The following TMEM132D variants were observed in gnomAD, a reference collection of about 807,000 sequenced individuals.
The protein encoded by TMEM132D is transmembrane protein 132D, also known as mature OL transmembrane protein.
A neutral mutation model predicts 62.3 loss-of-function variants in TMEM132D; 21 were observed. That is an observed-to-expected ratio of 0.34 (90% CI 0.24 to 0.49). The LOEUF (loss-of-function observed/expected upper bound fraction) is 0.49. Ranked by LOEUF, TMEM132D falls within the 20% of genes least tolerant of loss-of-function variation. TMEM132D has a pLI of 0.99. For missense variants in TMEM132D, 1,346 were observed against 1,402.8 expected, an observed-to-expected ratio of 0.96 and a Z score of 0.65; for synonymous variants, 621 against 575.6, an observed-to-expected ratio of 1.08 and a Z score of -1.13.
At chr12:129,471,535 C>T (rs768694167) in intron 3 of TMEM132D, among the ~76,000 whole-genome samples, 6 of 152,132 alleles carry the variant, frequency 3.9e-5, no homozygotes, top group African/African-American at 7.2e-5. Context: ...TTCTGACAAA[C>T]GACAGTAGTG....
At chr12:129,800,507 G>C (rs932942636) in intron 1 of TMEM132D, among the ~76,000 whole-genome samples, 13 of 152,122 alleles carry the variant, frequency 8.5e-5, no homozygotes, top group African/African-American at 2.4e-4. Context: ...TCCAGATATT[G>C]AATATGTAAT....
chr12:129,192,821 G>A (rs978913283), intron 5 of TMEM132D, among the ~76,000 whole-genome samples: 2 of 152,104 alleles, frequency 1.3e-5, no homozygotes, highest in South Asian at 2.1e-4. Flanking sequence ...CACCAAAGGA[G>A]GTTCAAATCC....
chr12:129,261,184 C>T (rs1169810187), intron 4 of TMEM132D, among the ~76,000 whole-genome samples: 1 of 152,076 alleles, frequency 6.6e-6, no homozygotes, highest in Non-Finnish European at 1.5e-5. Context: ...TATTAGTTTG[C>T]TAGGGCTACC....
intron 2 of TMEM132D, among the ~76,000 whole-genome samples, chr12:129,695,335 A>G (rs1261329835): frequency 6.6e-6 from 1 of 152,224 alleles, no homozygotes; most frequent in Middle Eastern, 3.2e-3. Flanking sequence ...GCAGCACACA[A>G]TTGTAAGGTA....
At chr12:129,584,426 C>T (rs1339525124) in intron 2 of TMEM132D, among the ~76,000 whole-genome samples, 5 of 152,220 alleles carry the variant, frequency 3.3e-5, no homozygotes, top group African/African-American at 4.8e-5. Context: ...TTGCCACTTT[C>T]ACGACCTTCG....
chr12:129,862,825 G>A (rs1024965356), intron 1 of TMEM132D, among the ~76,000 whole-genome samples: 6 of 150,966 alleles, frequency 4.0e-5, no homozygotes, highest in Admixed American at 4.0e-4. Context: ...ACACAGCCTA[G>A]GCTAAAAGCT....
intron 3 of TMEM132D, among the ~76,000 whole-genome samples, chr12:129,385,091 T>G (rs1301192186): frequency 7.3e-6 from 1 of 136,244 alleles, no homozygotes; most frequent in Non-Finnish European, 1.6e-5. Context: ...AGTTCTTTTT[T>G]TTTTTTTTTT....
At chr12:129,257,902 G>A (rs1239667537) in intron 4 of TMEM132D, among the ~76,000 whole-genome samples, 3 of 152,190 alleles carry the variant, frequency 2.0e-5, no homozygotes, top group Non-Finnish European at 4.4e-5. Flanking sequence ...AACACCTGGT[G>A]TCAGAGGCTC....
chr12:129,195,674 G>A (rs1878528115), intron 5 of TMEM132D, among the ~76,000 whole-genome samples: 1 of 152,156 alleles, frequency 6.6e-6, no homozygotes, highest in Non-Finnish European at 1.5e-5. Context: ...CTACTTATAA[G>A]GGAATTTAAG....
intron 3 of TMEM132D, among the ~76,000 whole-genome samples, chr12:129,375,464 T>C (rs1391723973): frequency 2.6e-5 from 4 of 152,196 alleles, no homozygotes; most frequent in Admixed American, 2.0e-4. Context: ...ACTTAATTGG[T>C]CTGGGGTATG....
At chr12:129,231,982 G>A (rs920479644) in intron 4 of TMEM132D, among the ~76,000 whole-genome samples, 2 of 152,182 alleles carry the variant, frequency 1.3e-5, no homozygotes, top group East Asian at 3.8e-4. Flanking sequence ...GTGGGACACA[G>A]GCACCAGTAT....
At chr12:129,770,675 C>CAGCTCAGCCTAGCTTGCCTTACGCA (rs1287082306) in intron 1 of TMEM132D, among the ~76,000 whole-genome samples, 13 of 152,306 alleles carry the variant, frequency 8.5e-5, no homozygotes, top group East Asian at 1.9e-4. Flanking sequence ...CGGAACATCA[C>CAGCTCAGCCTAGCTTGCCTTACGCA]AGCTCAGCCT....
chr12:129,338,113 G>A (rs1869353517), intron 3 of TMEM132D, among the ~76,000 whole-genome samples: 1 of 152,226 alleles, frequency 6.6e-6, no homozygotes, highest in Admixed American at 6.5e-5. Flanking sequence ...GGGAAATAGT[G>A]ATTGCATTTC....
intron 1 of TMEM132D, among the ~76,000 whole-genome samples, chr12:129,888,220 T>C (rs865891550): frequency 6.6e-6 from 1 of 152,172 alleles, no homozygotes. Flanking sequence ...AATTAAGGAC[T>C]CTGAAAAATT....
At chr12:129,406,502 C>T (rs919649377) in intron 3 of TMEM132D, among the ~76,000 whole-genome samples, 1 of 152,034 alleles carries the variant, frequency 6.6e-6, no homozygotes, top group Admixed American at 6.6e-5. Flanking sequence ...TGCCTGTAAT[C>T]CCAGCTACTC....
rs1302551058 is a variant in TMEM132D at position 129,810,541 on chromosome 12, AATAT to A, written c.79+92716_79+92719del. ...TAAATTAATTCACATATTCAAGAAA[AATAT>A]ATACATACACACACACACACACACA... On this transcript the variant is annotated intron_variant, in intron 1 of 8. Transcript: ENST00000422113. Among the ~76,000 whole-genome samples, 10 of 116,614 alleles carry A rather than the reference AATAT, an allele frequency of 8.6e-5. No individual in the cohort carries two copies. In the Admixed American group the frequency reaches 9.3e-4, roughly 11 times the overall value. The allele number at this position is 116,614 out of a possible 152,430, so 76.5% of individuals were successfully genotyped here.
intron 3 of TMEM132D, among the ~76,000 whole-genome samples, chr12:129,525,166 C>G (rs1169857147): frequency 7.0e-6 from 1 of 143,172 alleles, no homozygotes; most frequent in Non-Finnish European, 1.5e-5. Flanking sequence ...ACTTCGTGAT[C>G]TGCCCGCCTT....
chr12:129,419,669 T>A (rs550582599), intron 3 of TMEM132D, among the ~76,000 whole-genome samples: 1 of 152,238 alleles, frequency 6.6e-6, no homozygotes, highest in Non-Finnish European at 1.5e-5. Flanking sequence ...CATTTTCTGC[T>A]ACTTACAATG....
chr12:129,735,818 A>T (rs1295569732), intron 1 of TMEM132D, among the ~76,000 whole-genome samples: 1 of 152,224 alleles, frequency 6.6e-6, no homozygotes, highest in Non-Finnish European at 1.5e-5. Flanking sequence ...TCTCTTGACC[A>T]TGAATATGTG....
Sources: allele counts gnomAD v4.1 joint callset (sites outside exome capture counted in the v4.1 genomes callset), GRCh38; gene constraint gnomAD v4.1.1; transcripts MANE v1.5; gene names NCBI Gene and HGNC (gene_info 2026-07-23, HGNC 2026-07-21).